GRIA4: variants seen among roughly 807,000 people sequenced by gnomAD.
The protein encoded by GRIA4 is glutamate receptor 4.
A neutral mutation model predicts 104.0 loss-of-function variants in GRIA4; 34 were observed. The ratio of observed to expected loss-of-function variants is 0.33; its 90% CI spans 0.25 to 0.44. The LOEUF (loss-of-function observed/expected upper bound fraction) is 0.44, where lower values mean the gene tolerates loss of function less well. GRIA4 is among the 20% of genes least tolerant of loss of function. The pLI, the probability that GRIA4 is intolerant of heterozygous loss-of-function variation, is 1.00. For synonymous variants in GRIA4, 386 were observed against 381.9 expected (o/e 1.01, Z -0.13); for missense variants, 750 against 1,096.5 (o/e 0.68, Z 4.46).
chr11:105,643,559 G>A (rs569885587), intron 3 of GRIA4, among the ~76,000 whole-genome samples: 10 of 152,128 alleles, frequency 6.6e-5, no homozygotes, highest in African/African-American at 2.2e-4. Flanking sequence ...GCTCTCTTTC[G>A]TTCCTGGTCT....
intron 14 of GRIA4, among the ~76,000 whole-genome samples, chr11:105,942,295 G>A (rs1453829415): frequency 5.1e-4 from 78 of 152,008 alleles, no homozygotes; most frequent in Admixed American, 5.1e-3. Flanking sequence ...TAATAATATT[G>A]TATAAGCCAT....
In GRIA4 at chr11:105,918,868, G is replaced by C. The variant is rs1474102114; in HGVS notation, c.1426G>C (p.Asp476His). Residue 476 changes from aspartate to histidine, a missense_variant, in exon 11 of 17, where the codon GAT becomes CAT. Coordinates refer to ENST00000282499, the MANE Select transcript of GRIA4 (RefSeq NM_000829.4). ...IVPDGKYGARDADTKIWNGMV... is the reference protein window; with the variant it reads ...IVPDGKYGARHADTKIWNGMV... Reference sequence around the variant, plus strand: ...CCCTGATGGAAAATATGGAGCAAGGGATGCAGACACAAAAATCTGGAATGG... The same window carrying C: ...CCCTGATGGAAAATATGGAGCAAGGCATGCAGACACAAAAATCTGGAATGG... 1 of 1,611,870 alleles carries C rather than the reference G, an allele frequency of 6.2e-7. No individual in the cohort carries two copies. Among genetic ancestry groups the C allele is most frequent in the Non-Finnish European group, 8.5e-7 (1 of 1,178,186 alleles).
intron 3 of GRIA4, among the ~76,000 whole-genome samples, chr11:105,745,337 G>C (rs138947810): frequency 6.6e-6 from 1 of 152,052 alleles, no homozygotes. Context: ...CAAGGGCTAG[G>C]AATATTATTA....
chr11:105,888,222 G>A (rs908969317), intron 6 of GRIA4, among the ~76,000 whole-genome samples: 10 of 146,680 alleles, frequency 6.8e-5, no homozygotes, highest in African/African-American at 2.5e-4. Flanking sequence ...TGCCCTAAGG[G>A]CCTGATTCCC....
In GRIA4 at chr11:105,849,664, C is replaced by T. The variant is rs1043453378; in HGVS notation, c.488-12360C>T. On this transcript the variant is annotated intron_variant, in intron 4 of 16. Transcript: ENST00000282499. ...AGCCTCAGATAAGGAGAGTGCTAAG[C>T]TCTATAAGCTTGGAAGCAGCTCTCC... Among the ~76,000 whole-genome samples the T allele has an allele frequency of 1.2e-4, 18 of 152,156 alleles. 1 individual carries two copies. Among genetic ancestry groups the T allele is most frequent in the African/African-American group, 3.1e-4 (13 of 41,428 alleles).
At chr11:105,777,071 T>A (rs1941481858) in intron 4 of GRIA4, among the ~76,000 whole-genome samples, 2 of 151,960 alleles carry the variant, frequency 1.3e-5, no homozygotes, top group Admixed American at 6.6e-5. Flanking sequence ...ACACACACAC[T>A]CATGCACACA....
intron 3 of GRIA4, among the ~76,000 whole-genome samples, chr11:105,742,728 T>C (rs957446319): frequency 2.0e-5 from 3 of 152,030 alleles, no homozygotes; most frequent in African/African-American, 4.8e-5. Context: ...TCTAACACAG[T>C]TGTTACTGGA....
At chr11:105,917,191 G>T (rs1947431992) in intron 10 of GRIA4, among the ~76,000 whole-genome samples, 5 of 152,066 alleles carry the variant, frequency 3.3e-5, no homozygotes, top group Admixed American at 2.6e-4. Context: ...ATGTGTGGAA[G>T]AACTTTTTAC....
In GRIA4 at chr11:105,933,765, G is replaced by A. The variant is rs765556214; in HGVS notation, c.2090G>A (p.Arg697Gln). ...AVYEKMWTYM[R>Q]SAEPSVFTRT... Reference sequence around the variant, plus strand: ...TATGAAAAGATGTGGACCTACATGCGATCAGCAGAGCCATCAGTATTCACT... The same window carrying A: ...TATGAAAAGATGTGGACCTACATGCAATCAGCAGAGCCATCAGTATTCACT... Residue 697 changes from arginine (R) to glutamine (Q), a missense_variant, in exon 14 of 17, where the codon CGA becomes CAA. Arg to Gln is a conservative substitution (Grantham distance 43). Transcript: ENST00000282499. 3.3e-5 allele frequency: 53 copies of A among 1,608,264 alleles called. No homozygotes were observed. Among genetic ancestry groups the A allele is most frequent in the Non-Finnish European group, 4.3e-5 (50 of 1,175,632 alleles).
intron 3 of GRIA4, among the ~76,000 whole-genome samples, chr11:105,681,075 C>T (rs1952694964): frequency 6.6e-6 from 1 of 152,158 alleles, no homozygotes; most frequent in Non-Finnish European, 1.5e-5. Context: ...ATTCCTTTTA[C>T]TGGAGTCTCC....
Position 105,650,747 on chromosome 11 carries a change from G to T in GRIA4, c.247+38313G>T, listed in dbSNP as rs574574418. ...GGATTTTTTTCCTGAGCATCCCAAG[G>T]CTATTTATGCAGATGGTCCATGAAA... On this transcript the variant is annotated intron_variant, in intron 3 of 16. Transcript: ENST00000282499. Among the ~76,000 whole-genome samples, 15 of 152,210 alleles carry T rather than the reference G, an allele frequency of 9.9e-5. No individual in the cohort carries two copies. In the South Asian group the frequency reaches 2.9e-3, roughly 29 times the overall value.
chr11:105,691,046 T>C (rs1469117052), intron 3 of GRIA4, among the ~76,000 whole-genome samples: 1 of 152,174 alleles, frequency 6.6e-6, no homozygotes, highest in Non-Finnish European at 1.5e-5. Context: ...TAGTTAGAAC[T>C]GGCCTTTTGA....
At chr11:105,623,343 G>T (rs1462561851) in intron 3 of GRIA4, among the ~76,000 whole-genome samples, 1 of 151,846 alleles carries the variant, frequency 6.6e-6, no homozygotes, top group African/African-American at 2.4e-5. Context: ...TTAATTTCCT[G>T]CTTCTGCTTT....
intron 4 of GRIA4, among the ~76,000 whole-genome samples, chr11:105,841,480 C>A (rs2135960351): frequency 6.6e-6 from 1 of 152,186 alleles, no homozygotes; most frequent in Non-Finnish European, 1.5e-5. Flanking sequence ...ATCCACCTCC[C>A]AGAATTGGCA....
chr11:105,727,919 A>G (rs980859233), intron 3 of GRIA4, among the ~76,000 whole-genome samples: 15 of 152,312 alleles, frequency 9.8e-5, no homozygotes, highest in African/African-American at 3.4e-4. Context: ...CCACTGCAAA[A>G]ACAAACCAAA....
chr11:105,784,218 T>C (rs1941857002), intron 4 of GRIA4, among the ~76,000 whole-genome samples: 1 of 152,218 alleles, frequency 6.6e-6, no homozygotes, highest in Non-Finnish European at 1.5e-5. Context: ...ATAAGTATTA[T>C]TGACTTTATC....
intron 4 of GRIA4, among the ~76,000 whole-genome samples, chr11:105,858,968 T>C (rs1310722823): frequency 6.6e-6 from 1 of 152,202 alleles, no homozygotes; most frequent in African/African-American, 2.4e-5. Flanking sequence ...ATGATATTCA[T>C]CTAAAACTGC....
chr11:105,866,488 A>ATATATAATAC (rs1462932152), intron 5 of GRIA4, among the ~76,000 whole-genome samples: 7 of 149,306 alleles, frequency 4.7e-5, no homozygotes, highest in Middle Eastern at 7.0e-3. Flanking sequence ...GTGTGTATAC[A>ATATATAATAC]TATATAATAC....
chr11:105,931,931 A>T (rs898814639), intron 13 of GRIA4, among the ~76,000 whole-genome samples: 10 of 152,122 alleles, frequency 6.6e-5, no homozygotes, highest in African/African-American at 2.4e-4. Context: ...TTAGTAAAGA[A>T]CTGCCTCTTG....
Sources: allele counts gnomAD v4.1 joint callset (sites outside exome capture counted in the v4.1 genomes callset), GRCh38; gene constraint gnomAD v4.1.1; transcripts MANE v1.5; gene names NCBI Gene and HGNC (gene_info 2026-07-23, HGNC 2026-07-21).